The following SIK3 variants were observed in gnomAD, a reference collection of about 807,000 sequenced individuals.
The protein encoded by SIK3 is SIK family kinase 3, also known as serine/threonine-protein kinase SIK3.
SIK3 carries 28 observed loss-of-function variants against 144.2 expected under a neutral mutation model. The ratio of observed to expected loss-of-function variants is 0.19; its 90% CI spans 0.14 to 0.27. The LOEUF (loss-of-function observed/expected upper bound fraction) is 0.27. Ranked by LOEUF, SIK3 falls within the 10% of genes least tolerant of loss-of-function variation. The pLI is 1.00. For missense variants in SIK3, 1,319 were observed against 1,776.0 expected (o/e 0.74, Z 4.62); for synonymous variants, 686 against 676.3 (o/e 1.01, Z -0.22).
At chr11:117,013,967 C>CT (rs1951406146) in intron 1 of SIK3, among the ~76,000 whole-genome samples, 108 of 7,342 alleles carry the variant, frequency 0.015, no homozygotes, top group Middle Eastern at 0.083. Context: ...TTCTTTTTTT[C>CT]TTTTCTTTTT....
intron 6 of SIK3, among the ~76,000 whole-genome samples, chr11:116,883,091 T>C (rs1944628350): frequency 6.6e-6 from 1 of 152,166 alleles, no homozygotes; most frequent in Non-Finnish European, 1.5e-5. Flanking sequence ...GTACCAGCCC[T>C]GGGGGAGAAG....
intron 1 of SIK3, among the ~76,000 whole-genome samples, chr11:117,048,423 G>A (rs531235279): frequency 4.6e-5 from 7 of 152,234 alleles, no homozygotes; most frequent in South Asian, 4.1e-4. Context: ...TTGGGAAGCC[G>A]AGGTGGGCCG....
Position 116,859,271 on chromosome 11 carries a change from G to A in SIK3, c.2759C>T (p.Ala920Val), listed in dbSNP as rs1327214026. Residue 920 changes from alanine to valine, a missense_variant, in exon 20 of 25, where the codon GCT becomes GTT. Transcript: ENST00000445177. ...TGACGTTAGGCGGTCTTACCTGTGAGCCTCTGCACTGTCAGCACTCAGCTG... is the reference window on the plus strand; with the variant it reads ...TGACGTTAGGCGGTCTTACCTGTGAACCTCTGCACTGTCAGCACTCAGCTG... ...SKQLSADSAE[A>V]HSLNVNRFSP... is the part of the protein sequence containing the mutation. 1 of 1,601,982 alleles carries A rather than the reference G, an allele frequency of 6.2e-7. No homozygotes were observed. Among genetic ancestry groups the A allele is most frequent in the South Asian group, 1.1e-5 (1 of 90,588 alleles).
chr11:116,938,516 T>C (rs1411532748), intron 3 of SIK3, among the ~76,000 whole-genome samples: 1 of 28,990 alleles, frequency 3.4e-5, no homozygotes. Flanking sequence ...AAAAGGAAAA[T>C]GAAAAGAAGG....
intron 1 of SIK3, among the ~76,000 whole-genome samples, chr11:117,072,388 A>AAAAAAT (rs913853468): frequency 1.2e-4 from 18 of 152,200 alleles, no homozygotes; most frequent in Admixed American, 6.5e-4. Context: ...TCCGTCTCAA[A>AAAAAAT]AAAAATAAAA....
chr11:116,944,552 C>G (rs1412610024), intron 3 of SIK3, among the ~76,000 whole-genome samples: 2 of 152,156 alleles, frequency 1.3e-5, no homozygotes, highest in African/African-American at 4.8e-5. Flanking sequence ...GGGTACTGCT[C>G]TGTACACAAT....
At chr11:116,848,365 AAAAT>A (rs200436258) in intron 22 of SIK3, among the ~76,000 whole-genome samples, 6,184 of 152,164 alleles carry the variant, frequency 0.041, 385 homozygotes, top group African/African-American at 0.14. Context: ...ATAATAATAA[AAAAT>A]AAAGTGTAAC....
At position 116,844,657 on chromosome 11, in the gene SIK3, A is replaced by AAT. The variant is rs552161209; in HGVS notation, c.*984_*985dup. 566 of 103,530 alleles carry AAT rather than the reference A, an allele frequency of 5.5e-3. 7 individuals are homozygous for AAT. The highest frequency in any genetic ancestry group is 0.024 in the African/African-American group (535 of 21,992). The allele number at this position is 103,530 out of a possible 1,614,324, so 6.4% of individuals were successfully genotyped here. ...ATATTATATTATATATTATATATAT[A>AAT]ATATATATATACACATATATTATAT... On this transcript the variant is annotated 3_prime_UTR_variant, in exon 25 of 25. Transcript: ENST00000445177.
intron 22 of SIK3, 42 bp from the exon 23 acceptor site, chr11:116,847,650 C>G (rs628418): frequency 0.028 from 44,470 of 1,611,922 alleles, 1,483 homozygotes; most frequent in African/African-American, 0.15. Context: ...ACACAAGACA[C>G]CACTCTCAGG....
At position 116,859,560 on chromosome 11, in the gene SIK3, C is replaced by T. The variant is rs1943193318; in HGVS notation, c.2470G>A (p.Ala824Thr). 3 of 1,614,176 alleles carry T rather than the reference C, an allele frequency of 1.9e-6. No individual in the cohort carries two copies. The highest frequency in any genetic ancestry group is 2.5e-6 in the Non-Finnish European group (3 of 1,180,032). ...TTCTCAGGTTGCTGCTGAAAGATTGCACTGCGGGAAGGTAAGCCTTGAAAC... is the reference window on the plus strand; with the variant it reads ...TTCTCAGGTTGCTGCTGAAAGATTGTACTGCGGGAAGGTAAGCCTTGAAAC... Reference protein sequence around the residue: ...SQFQGLPSRSAIFQQQPENCS... With the variant: ...SQFQGLPSRSTIFQQQPENCS... The change falls in exon 20 of 25, where the codon GCA becomes ACA. Residue 824 changes from alanine to threonine, a missense_variant. By Grantham distance (58) the Ala-to-Thr change is moderately conservative. Transcript: ENST00000445177.
intron 1 of SIK3, among the ~76,000 whole-genome samples, chr11:117,087,380 T>C (rs756198437): frequency 1.3e-4 from 20 of 151,868 alleles, no homozygotes; most frequent in Non-Finnish European, 2.4e-4. Context: ...GAGGCGGAGG[T>C]TGCAGTGAGC....
At chr11:117,059,906 A>G (rs1490380503) in intron 1 of SIK3, among the ~76,000 whole-genome samples, 1 of 152,224 alleles carries the variant, frequency 6.6e-6, no homozygotes, top group African/African-American at 2.4e-5. Context: ...GCTGGTGGGA[A>G]AGCAAAATAG....
chr11:117,072,082 A>G (rs1267733158), intron 1 of SIK3, among the ~76,000 whole-genome samples: 1 of 152,034 alleles, frequency 6.6e-6, no homozygotes, highest in Non-Finnish European at 1.5e-5. Context: ...ATTTAATCTC[A>G]AATACTAAAA....
chr11:117,012,849 CT>C (rs10652499), intron 1 of SIK3, among the ~76,000 whole-genome samples: 45 of 96,090 alleles, frequency 4.7e-4, no homozygotes, highest in East Asian at 1.3e-3. Flanking sequence ...GCCATTACTG[CT>C]TTTTTTTTTT....
intron 6 of SIK3, among the ~76,000 whole-genome samples, chr11:116,890,971 GGAATA>G (rs1255546950): frequency 6.6e-6 from 1 of 152,108 alleles, no homozygotes; most frequent in Non-Finnish European, 1.5e-5. Context: ...TTTTTAAAAT[GGAATA>G]GAATAAAATA....
intron 2 of SIK3, among the ~76,000 whole-genome samples, chr11:116,956,106 T>G (rs1949128102): frequency 6.6e-6 from 1 of 152,130 alleles, no homozygotes; most frequent in South Asian, 2.1e-4. Flanking sequence ...AAGCAGCAAG[T>G]AGAGTTGGGC....
chr11:117,087,358 G>A (rs570526954), intron 1 of SIK3, among the ~76,000 whole-genome samples: 3 of 151,740 alleles, frequency 2.0e-5, no homozygotes, highest in East Asian at 2.0e-4. Context: ...CAAGAGAATC[G>A]CTTGAACCCA....
intron 1 of SIK3, among the ~76,000 whole-genome samples, chr11:117,000,960 C>T (rs1382938141): frequency 6.6e-6 from 1 of 152,196 alleles, no homozygotes; most frequent in Non-Finnish European, 1.5e-5. Context: ...CTAAATCTAT[C>T]CATTAAACAG....
At chr11:116,978,914 C>G (rs1016563178) in intron 1 of SIK3, among the ~76,000 whole-genome samples, 1 of 152,150 alleles carries the variant, frequency 6.6e-6, no homozygotes, top group African/African-American at 2.4e-5. Flanking sequence ...TCAGAGGTCA[C>G]CCTTTTATAA....
Sources: gnomAD v4.1 joint callset for allele counts (sites outside exome capture counted in the v4.1 genomes callset) on GRCh38, gnomAD v4.1.1 for gene constraint, MANE v1.5 for transcripts, NCBI Gene and HGNC (gene_info 2026-07-23, HGNC 2026-07-21) for gene names.